MAD1L1: variants seen among roughly 807,000 people sequenced by gnomAD.
MAD1L1 encodes mitotic arrest deficient 1 like 1, also known as mitotic spindle assembly checkpoint protein MAD1.
MAD1L1 carries 95 observed loss-of-function variants against 96.9 expected under a neutral mutation model. The observed-to-expected ratio is 0.98, with a 90% CI of 0.83 to 1.16. The LOEUF (loss-of-function observed/expected upper bound fraction) is 1.16. MAD1L1 is among the 50% of genes most tolerant of loss of function. MAD1L1 has a pLI of 0.00. For synonymous variants in MAD1L1, 473 were observed against 396.6 expected (o/e 1.19, Z -2.29); for missense variants, 1,007 against 954.4 (o/e 1.06, Z -0.73).
intron 18 of MAD1L1, among the ~76,000 whole-genome samples, chr7:1,839,597 T>C (rs1448956394): frequency 6.6e-6 from 1 of 152,158 alleles, no homozygotes; most frequent in Non-Finnish European, 1.5e-5. Context: ...ATTTCCGGCT[T>C]AGTCAAAGGA....
chr7:2,176,311 G>A (rs1044718774), intron 10 of MAD1L1, among the ~76,000 whole-genome samples: 13 of 152,134 alleles, frequency 8.5e-5, no homozygotes, highest in African/African-American at 2.2e-4. Context: ...TTCCACCACT[G>A]CACTCCAGAC....
At chr7:1,900,352 T>G (rs925086130) in intron 17 of MAD1L1, among the ~76,000 whole-genome samples, 5 of 152,202 alleles carry the variant, frequency 3.3e-5, no homozygotes, top group Middle Eastern at 3.2e-3. Context: ...ACCGCAGGCC[T>G]GTCAGCAGAG....
At chr7:1,918,296 C>T (rs1336900093) in intron 17 of MAD1L1, among the ~76,000 whole-genome samples, 1 of 152,160 alleles carries the variant, frequency 6.6e-6, no homozygotes, top group Non-Finnish European at 1.5e-5. Flanking sequence ...GACCTCAGCC[C>T]CAGCGCAGTC....
intron 10 of MAD1L1, among the ~76,000 whole-genome samples, chr7:2,172,898 G>T (rs778389959): frequency 6.6e-6 from 1 of 152,230 alleles, no homozygotes; most frequent in Non-Finnish European, 1.5e-5. Context: ...TGCACACCGC[G>T]GTCTGTGCGC....
At chr7:2,055,292 G>A (rs1290725055) in intron 12 of MAD1L1, among the ~76,000 whole-genome samples, 1 of 152,172 alleles carries the variant, frequency 6.6e-6, no homozygotes, top group Non-Finnish European at 1.5e-5. Flanking sequence ...GGAGCTGGGG[G>A]TGAGCCAGGC....
intron 14 of MAD1L1, among the ~76,000 whole-genome samples, chr7:1,996,622 G>A (rs1395745013): frequency 2.0e-5 from 3 of 152,236 alleles, no homozygotes; most frequent in African/African-American, 7.2e-5. Context: ...ACAAAGAAGG[G>A]TGGGGGACGG....
At chr7:2,186,764 C>A (rs1341972585) in intron 10 of MAD1L1, among the ~76,000 whole-genome samples, 2 of 151,484 alleles carry the variant, frequency 1.3e-5, no homozygotes, top group Non-Finnish European at 2.9e-5. Context: ...TCTAGGCAGT[C>A]TTGTAACATC....
intron 18 of MAD1L1, among the ~76,000 whole-genome samples, chr7:1,824,125 C>A (rs1782268230): frequency 6.6e-6 from 1 of 152,136 alleles, no homozygotes; most frequent in Admixed American, 6.5e-5. Flanking sequence ...GTCAGCCTGC[C>A]ACCACCTCCC....
chr7:2,021,739 T>G (rs1313661390), intron 12 of MAD1L1, among the ~76,000 whole-genome samples: 1 of 151,430 alleles, frequency 6.6e-6, no homozygotes, highest in Non-Finnish European at 1.5e-5. Context: ...CACTCCAGCC[T>G]GGGCAACAGA....
At chr7:1,887,190 GGA>G (rs1427140282) in intron 18 of MAD1L1, among the ~76,000 whole-genome samples, 1 of 152,250 alleles carries the variant, frequency 6.6e-6, no homozygotes, top group Admixed American at 6.5e-5. Flanking sequence ...GGGACGCCTG[GGA>G]GAGACAGAGG....
intron 10 of MAD1L1, among the ~76,000 whole-genome samples, chr7:2,176,391 T>C (rs1225051402): frequency 6.6e-6 from 1 of 151,890 alleles, no homozygotes; most frequent in Non-Finnish European, 1.5e-5. Context: ...TTGAACATTT[T>C]CCCCCAGATC....
intron 10 of MAD1L1, among the ~76,000 whole-genome samples, chr7:2,190,219 A>G (rs192852432): frequency 9.2e-5 from 14 of 152,308 alleles, no homozygotes; most frequent in African/African-American, 1.4e-4. Flanking sequence ...ACATGATTCA[A>G]TGAAAGAAGA....
In MAD1L1 at chr7:1,898,342, T is replaced by C. The variant is rs752408355; in HGVS notation, c.1856A>G (p.Lys619Arg). The C allele has an allele frequency of 3.1e-6, 5 of 1,613,896 alleles. No homozygotes were observed. In the African/African-American group the frequency reaches 5.3e-5, roughly 17 times the overall value. ...ESAELKNQRL[K>R]EVFQTKIQEF... Reference sequence around the variant, plus strand: ...CTGGATCTTGGTCTGGAAAACCTCCTTGAGCCGCTGGTTCTTCAGCTCGGC... The same window carrying C: ...CTGGATCTTGGTCTGGAAAACCTCCCTGAGCCGCTGGTTCTTCAGCTCGGC... The change falls in exon 18 of 19, where the codon AAG becomes AGG. Residue 619 changes from lysine (K) to arginine (R), a missense_variant. Transcript: ENST00000265854.
chr7:2,000,711 G>A (rs1338950127), intron 14 of MAD1L1, among the ~76,000 whole-genome samples: 3 of 152,194 alleles, frequency 2.0e-5, no homozygotes, highest in Non-Finnish European at 2.9e-5. Flanking sequence ...AGGAGCCTGT[G>A]TTGCTGGCTG....
intron 12 of MAD1L1, among the ~76,000 whole-genome samples, chr7:2,057,464 A>G (rs1195670648): frequency 6.6e-6 from 1 of 152,184 alleles, no homozygotes; most frequent in East Asian, 1.9e-4. Context: ...CAGTGAGCCA[A>G]GATTGCACCA....
At chr7:1,820,352 T>C (rs1179444793) in intron 18 of MAD1L1, among the ~76,000 whole-genome samples, 1 of 152,160 alleles carries the variant, frequency 6.6e-6, no homozygotes, top group East Asian at 1.9e-4. Context: ...ATCGCTTCTC[T>C]AAATTCCTAC....
chr7:2,019,425 T>C (rs367631591), intron 12 of MAD1L1, among the ~76,000 whole-genome samples: 39 of 152,284 alleles, frequency 2.6e-4, no homozygotes, highest in African/African-American at 9.1e-4. Context: ...CAGACAGTCC[T>C]GCGCTCCAAT....
chr7:2,212,419 GAATTGT>G (rs1792995035), intron 10 of MAD1L1, among the ~76,000 whole-genome samples: 2 of 152,184 alleles, frequency 1.3e-5, no homozygotes, highest in Admixed American at 6.5e-5. Flanking sequence ...GCCTCATGTT[GAATTGT>G]AATCCCCAGT....
intron 10 of MAD1L1, among the ~76,000 whole-genome samples, chr7:2,212,112 C>T (rs986250539): frequency 3.3e-5 from 5 of 152,188 alleles, no homozygotes; most frequent in Admixed American, 2.0e-4. Context: ...AGGGGCACCG[C>T]GACTGAAGGG....
Sources: allele counts gnomAD v4.1 joint callset (sites outside exome capture counted in the v4.1 genomes callset), GRCh38; gene constraint gnomAD v4.1.1; transcripts MANE v1.5; gene names NCBI Gene and HGNC (gene_info 2026-07-23, HGNC 2026-07-21).